Variants in KCNH1 observed in about 807,000 individuals in gnomAD.
KCNH1 encodes the protein potassium voltage-gated channel subfamily H member 1, also known as voltage-gated delayed rectifier potassium channel KCNH1.
Under a neutral mutation model 69.2 loss-of-function variants are expected in KCNH1, and 27 were observed. That is an observed-to-expected ratio of 0.39 (90% CI 0.29 to 0.54). The LOEUF is 0.54. Among genes scored for constraint, KCNH1 ranks in the 20% least tolerant of loss-of-function variants. KCNH1 has a pLI of 0.68. For missense variants in KCNH1, 798 were observed against 1,261.6 expected (o/e 0.63, Z 5.57); for synonymous variants, 456 against 487.7 (o/e 0.93, Z 0.86).
intron 5 of KCNH1, among the ~76,000 whole-genome samples, chr1:211,052,214 C>T (rs376871386): frequency 6.6e-6 from 1 of 152,238 alleles, no homozygotes; most frequent in African/African-American, 2.4e-5. Flanking sequence ...GAGAGCTGAT[C>T]AGACGGAATT....
intron 3 of KCNH1, among the ~76,000 whole-genome samples, chr1:211,101,704 G>A (rs879152803): frequency 6.6e-6 from 1 of 152,182 alleles, no homozygotes; most frequent in Admixed American, 6.5e-5. Context: ...CAATAAAACT[G>A]AGAATGGCCG....
chr1:210,942,953 T>C (rs1687899402), intron 6 of KCNH1, among the ~76,000 whole-genome samples: 1 of 152,216 alleles, frequency 6.6e-6, no homozygotes, highest in Admixed American at 6.5e-5. Context: ...GTATATAGAC[T>C]TTGACCTGTC....
chr1:210,689,343 C>T (rs747887786), intron 10 of KCNH1, among the ~76,000 whole-genome samples: 6 of 152,194 alleles, frequency 3.9e-5, no homozygotes, highest in Non-Finnish European at 8.8e-5. Flanking sequence ...CTCCCCTTGG[C>T]CTGGTCCTAG....
intron 6 of KCNH1, among the ~76,000 whole-genome samples, chr1:210,973,703 CT>C (rs1688553026): frequency 6.6e-6 from 1 of 152,058 alleles, no homozygotes; most frequent in Non-Finnish European, 1.5e-5. Context: ...AGCTGATTTT[CT>C]TTGATGAAAA....
rs1232368225 is a variant in KCNH1, at chr1:210,679,592, C to T, written c.*3689G>A. ...TCCCCACAAGGGCCTGGACAAAGAG[C>T]TTGACAGTTGGCATAATACTTCTAC... is the stretch of plus-strand genomic sequence containing the variant. On this transcript the variant is annotated 3_prime_UTR_variant, in exon 11 of 11. Transcript: ENST00000271751. The T allele has an allele frequency of 6.6e-6, 1 of 152,220 alleles. No homozygotes were observed. Among genetic ancestry groups the T allele is most frequent in the Middle Eastern group, 3.2e-3 (1 of 314 alleles). 9.4% of individuals were successfully genotyped at this position (152,220 alleles called of 1,614,324 possible). A position where few individuals can be genotyped will look rare whatever the true frequency, so the allele number is the denominator to read the frequency against.
intron 6 of KCNH1, among the ~76,000 whole-genome samples, chr1:210,922,535 C>T (rs1243543995): frequency 1.3e-5 from 2 of 152,050 alleles, no homozygotes. Context: ...GGCCAAGGGC[C>T]TACATCTCCA....
At chr1:211,001,224 G>A (rs1190503474) in intron 6 of KCNH1, among the ~76,000 whole-genome samples, 1 of 152,114 alleles carries the variant, frequency 6.6e-6, no homozygotes, top group African/African-American at 2.4e-5. Context: ...GAGTGAACAG[G>A]CAACCTACAG....
intron 7 of KCNH1, chr1:210,861,840 A>T (rs1357849164): frequency 1.1e-5 from 8 of 759,756 alleles, no homozygotes; most frequent in Non-Finnish European, 2.0e-5. Flanking sequence ...GATAAAGGCA[A>T]ATAATTCCTA....
chr1:210,695,211 C>T (rs535240794), intron 10 of KCNH1, among the ~76,000 whole-genome samples: 1 of 152,228 alleles, frequency 6.6e-6, no homozygotes, highest in South Asian at 2.1e-4. Context: ...AAGCAGCTGC[C>T]ACCAACAACT....
chr1:211,060,313 A>G (rs1480939150), intron 5 of KCNH1, among the ~76,000 whole-genome samples: 2 of 144,948 alleles, frequency 1.4e-5, no homozygotes, highest in Non-Finnish European at 3.0e-5. Context: ...CTTATGATGC[A>G]TCTTATGAAC....
chr1:210,853,989 T>C (rs1685772584), intron 7 of KCNH1, among the ~76,000 whole-genome samples: 1 of 135,650 alleles, frequency 7.4e-6, no homozygotes, highest in Non-Finnish European at 1.5e-5. Context: ...TCTTATCTAC[T>C]GGCATAATGT....
chr1:211,020,996 C>T (rs536914252), intron 5 of KCNH1, among the ~76,000 whole-genome samples: 2 of 152,284 alleles, frequency 1.3e-5, no homozygotes, highest in South Asian at 2.1e-4. Context: ...AAATGCCTTA[C>T]ATTTGCAGCA....
intron 7 of KCNH1, among the ~76,000 whole-genome samples, chr1:210,902,106 G>A (rs1457273436): frequency 2.0e-5 from 3 of 152,138 alleles, no homozygotes; most frequent in African/African-American, 7.2e-5. Flanking sequence ...TCAAATGCCA[G>A]TAAGTCAACC....
chr1:211,092,996 A>G (rs1691080724), intron 3 of KCNH1, among the ~76,000 whole-genome samples: 1 of 151,978 alleles, frequency 6.6e-6, no homozygotes, highest in Non-Finnish European at 1.5e-5. Context: ...TACTAATTTG[A>G]CAGATGTATT....
intron 10 of KCNH1, among the ~76,000 whole-genome samples, chr1:210,733,698 G>C (rs1682800230): frequency 6.6e-6 from 1 of 152,164 alleles, no homozygotes; most frequent in Non-Finnish European, 1.5e-5. Flanking sequence ...CTTTGGTGGG[G>C]AAGGGAGAAC....
chr1:210,974,287 G>A (rs1460677060), intron 6 of KCNH1, among the ~76,000 whole-genome samples: 1 of 151,680 alleles, frequency 6.6e-6, no homozygotes, highest in Admixed American at 6.6e-5. Context: ...ATGAACTTGT[G>A]GATTTTTTCT....
At chr1:211,053,161 T>G (rs1176701204) in intron 5 of KCNH1, among the ~76,000 whole-genome samples, 2 of 152,260 alleles carry the variant, frequency 1.3e-5, no homozygotes, top group African/African-American at 4.8e-5. Flanking sequence ...ACCTTGTTTT[T>G]TCAACTTCAG....
intron 10 of KCNH1, among the ~76,000 whole-genome samples, chr1:210,742,149 A>C (rs1188592023): frequency 6.6e-6 from 1 of 152,208 alleles, no homozygotes; most frequent in Admixed American, 6.5e-5. Context: ...GAACACAAAA[A>C]ACAATAAATA....
chr1:211,090,454 T>C (rs1691032663), intron 4 of KCNH1, 108 bp downstream of exon 4: 1 of 939,690 alleles, frequency 1.1e-6, no homozygotes, highest in Non-Finnish European at 1.6e-6. Context: ...AGTTAGAATC[T>C]TGAGGTTTGT....
Sources: gnomAD v4.1 joint callset for allele counts (sites outside exome capture counted in the v4.1 genomes callset) on GRCh38, gnomAD v4.1.1 for gene constraint, MANE v1.5 for transcripts, NCBI Gene and HGNC (gene_info 2026-07-23, HGNC 2026-07-21) for gene names.